NLRP9: variants seen among roughly 807,000 people sequenced by gnomAD.
The protein encoded by NLRP9 is NACHT, LRR and PYD domains-containing protein 9.
NLRP9 carries 88 observed loss-of-function variants against 83.1 expected under a neutral mutation model. The observed-to-expected ratio is 1.06, with a 90% CI of 0.89 to 1.26. The LOEUF is 1.26. Ranked by LOEUF, NLRP9 falls within the 50% of genes most tolerant of loss-of-function variation. The pLI is 0.00. For synonymous variants in NLRP9, 521 were observed against 447.6 expected (o/e 1.16, Z -2.07); for missense variants, 1,308 against 1,179.3 (o/e 1.11, Z -1.60).
chr19:55,724,209 T>G, intron 3 of NLRP9, 65 bp from the exon 4 acceptor site: 4 of 1,134,470 alleles, frequency 3.5e-6, no homozygotes, highest in Non-Finnish European at 3.8e-6. Context: ...CAGACACCTC[T>G]TGTACGATTC....
rs750980002 is a variant in NLRP9, at chr19:55,708,843, G to T, written c.*69C>A. The T allele has an allele frequency of 1.8e-6, 2 of 1,116,132 alleles. No homozygotes were observed. Among genetic ancestry groups the T allele is most frequent in the Non-Finnish European group, 2.5e-6 (2 of 798,350 alleles). The allele number at this position is 1,116,132 out of a possible 1,614,324, so 69.1% of individuals were successfully genotyped here. On this transcript the variant is annotated 3_prime_UTR_variant, in exon 9 of 9. Transcript: ENST00000332836. ...CATGATGTGCAATTACAGGATAGAG[G>T]TGCCAGGTGAAGGTCCCACTGTGGC...
rs551219330 is a variant in NLRP9, at chr19:55,733,415, T to C, written c.416A>G (p.Tyr139Cys). ...AGTGTGTCGTCTAGCCGCAGCAGTA[T>C]ATGCGTCATTCAATTCTTTATACTC... is the stretch of plus-strand genomic sequence containing the variant. ...KNEYKELNDA[Y>C]TAAARRHTVV... Residue 139 changes from tyrosine (Y) to cysteine (C), a missense_variant, in exon 2 of 9, where the codon TAT (tyrosine) becomes TGT (cysteine). By Grantham distance (194) the Tyr-to-Cys change is radical. Coordinates refer to ENST00000332836, the MANE Select transcript of NLRP9 (RefSeq NM_176820.4). 2 of 1,614,148 alleles carry C rather than the reference T, an allele frequency of 1.2e-6. No homozygotes were observed. Among genetic ancestry groups the C allele is most frequent in the South Asian group, 1.1e-5 (1 of 91,074 alleles).
chr19:55,716,578 G>A (rs1988022131), intron 5 of NLRP9, 150 bp downstream of exon 5: 1 of 625,870 alleles, frequency 1.6e-6, no homozygotes, highest in Non-Finnish European at 2.8e-6. Context: ...TTACTGATGA[G>A]CAACTGAGGC....
chr19:55,710,952 G>C (rs1987686681), intron 8 of NLRP9, among the ~76,000 whole-genome samples: 1 of 152,034 alleles, frequency 6.6e-6, no homozygotes, highest in African/African-American at 2.4e-5. Flanking sequence ...TGAGCATGGT[G>C]GTGAGTGCCT....
At chr19:55,737,334 C>T (rs571920789) in intron 1 of NLRP9, 1 of 152,462 alleles carries the variant, frequency 6.6e-6, no homozygotes, top group African/African-American at 2.4e-5. Flanking sequence ...TTGGTCGCCC[C>T]AGGGCTAATT....
intron 4 of NLRP9, among the ~76,000 whole-genome samples, chr19:55,721,590 A>C (rs1988227114): frequency 6.6e-6 from 1 of 152,070 alleles, no homozygotes; most frequent in South Asian, 2.1e-4. Flanking sequence ...GTACTAGATA[A>C]TCCTTTGTTG....
At chr19:55,727,209 G>A (rs1988428762) in intron 3 of NLRP9, among the ~76,000 whole-genome samples, 1 of 152,174 alleles carries the variant, frequency 6.6e-6, no homozygotes, top group East Asian at 1.9e-4. Context: ...CTGAGATTGT[G>A]CCATTGCACT....
At chr19:55,736,315 C>T (rs564555787) in intron 1 of NLRP9, among the ~76,000 whole-genome samples, 4 of 151,884 alleles carry the variant, frequency 2.6e-5, no homozygotes, top group East Asian at 3.9e-4. Context: ...GGTGGGAACC[C>T]GGGAGGCAGA....
intron 1 of NLRP9, among the ~76,000 whole-genome samples, chr19:55,736,910 C>A (rs1451316408): frequency 6.6e-6 from 1 of 151,414 alleles, no homozygotes. Context: ...AAAATACCCT[C>A]AAGCATGTGG....
chr19:55,721,954 G>T (rs967692313), intron 4 of NLRP9, among the ~76,000 whole-genome samples: 14 of 152,262 alleles, frequency 9.2e-5, no homozygotes, highest in African/African-American at 2.6e-4. Flanking sequence ...TTTGTAAATT[G>T]CCCAGTGTTG....
Position 55,723,980 on chromosome 19 carries a change from A to T in NLRP9, c.2159T>A (p.Ile720Lys). The part of the protein sequence containing the change: ...KHPMCKIEEL[I>K]LGKCDISSEV... ...CTCGGCATGAACAGCCCGGACTTAC[A>T]TCAGCTCTTCTATCTTGCACATTGG... Residue 720 changes from isoleucine (I) to lysine (K), a missense_variant and splice_region_variant, in exon 4 of 9, where the codon ATA (isoleucine) becomes AAA (lysine). Ile to Lys is a moderately radical substitution (Grantham distance 102). Coordinates refer to ENST00000332836, the MANE Select transcript of NLRP9 (RefSeq NM_176820.4). The T allele has an allele frequency of 6.2e-7, 1 of 1,610,194 alleles. No individual in the cohort carries two copies. Among genetic ancestry groups the T allele is most frequent in the East Asian group, 2.2e-5 (1 of 44,830 alleles).
chr19:55,731,193 G>A (rs531373192), intron 2 of NLRP9, among the ~76,000 whole-genome samples: 132 of 152,066 alleles, frequency 8.7e-4, no homozygotes, highest in African/African-American at 3.1e-3. Context: ...ACCTGAACCC[G>A]ATGGAAGAAT....
At chr19:55,735,302 A>C (rs1988755273) in intron 1 of NLRP9, among the ~76,000 whole-genome samples, 1 of 152,112 alleles carries the variant, frequency 6.6e-6, no homozygotes, top group Non-Finnish European at 1.5e-5. Flanking sequence ...TTTAAAACAT[A>C]CATGCTAGGC....
intron 6 of NLRP9, among the ~76,000 whole-genome samples, 187 bp from the exon 7 acceptor site, chr19:55,712,777 G>A (rs537578723): frequency 1.2e-5 from 1 of 84,264 alleles, no homozygotes; most frequent in Admixed American, 1.4e-4. Context: ...GAGGGTGGGA[G>A]AATGAGGGAG....
chr19:55,717,033 C>CTTT (rs397968319), intron 4 of NLRP9, 135 bp from the exon 5 acceptor site: 679 of 365,540 alleles, frequency 1.9e-3, no homozygotes, highest in South Asian at 2.8e-3. Flanking sequence ...GACTCTTTTT[C>CTTT]TTTTTTTTTT....
intron 3 of NLRP9, among the ~76,000 whole-genome samples, chr19:55,728,922 C>T (rs1988479308): frequency 6.6e-6 from 1 of 151,908 alleles, no homozygotes; most frequent in Non-Finnish European, 1.5e-5. Context: ...TTTCTATCCT[C>T]TCATACATTA....
At chr19:55,735,231 A>G (rs1009560163) in intron 1 of NLRP9, among the ~76,000 whole-genome samples, 1 of 152,218 alleles carries the variant, frequency 6.6e-6, no homozygotes, top group African/African-American at 2.4e-5. Context: ...CACAGGAGTT[A>G]TTCAAGTCTC....
At chr19:55,712,158 T>G (rs527372249) in intron 7 of NLRP9, among the ~76,000 whole-genome samples, 188 bp from the exon 8 acceptor site, 2 of 152,186 alleles carry the variant, frequency 1.3e-5, no homozygotes, top group African/African-American at 4.8e-5. Flanking sequence ...CTGAAGGTGC[T>G]GCTGGCAACT....
chr19:55,712,347 C>T, intron 7 of NLRP9, 73 bp downstream of exon 7: 3 of 1,314,746 alleles, frequency 2.3e-6, no homozygotes, highest in Non-Finnish European at 3.2e-6. Context: ...CCCTTCCATT[C>T]TATTGACCCT....
Sources: gnomAD v4.1 joint callset for allele counts (sites outside exome capture counted in the v4.1 genomes callset) on GRCh38, gnomAD v4.1.1 for gene constraint, MANE v1.5 for transcripts, NCBI Gene and HGNC (gene_info 2026-07-23, HGNC 2026-07-21) for gene names.